Variants in NBEA observed in about 807,000 individuals in gnomAD.
NBEA encodes lysosomal-trafficking regulator 2.
In NBEA, 44 loss-of-function variants were observed where a neutral mutation model predicts 343.4. The ratio of observed to expected loss-of-function variants is 0.13; its 90% confidence interval spans 0.10 to 0.16. NBEA has a LOEUF of 0.16. NBEA is among the 10% of genes least tolerant of loss of function. The pLI is 1.00. For missense variants in NBEA, 2,555 were observed against 3,631.3 expected, an observed-to-expected ratio of 0.70 and a Z score of 7.62; for synonymous variants, 1,175 against 1,238.7, an observed-to-expected ratio of 0.95 and a Z score of 1.08.
chr13:35,072,442 G>T (rs971832055), intron 10 of NBEA, among the ~76,000 whole-genome samples: 5 of 152,016 alleles, frequency 3.3e-5, no homozygotes, highest in African/African-American at 1.2e-4. Context: ...AGTGTGAGGA[G>T]TCAGCATACC....
intron 55 of NBEA, among the ~76,000 whole-genome samples, chr13:35,663,768 G>T (rs558700635): frequency 7.9e-5 from 12 of 152,160 alleles, no homozygotes; most frequent in African/African-American, 2.9e-4. Context: ...CAGGACTGCT[G>T]ACATTATAAA....
intron 41 of NBEA, among the ~76,000 whole-genome samples, chr13:35,535,675 G>C (rs1441649241): frequency 6.6e-6 from 1 of 152,172 alleles, no homozygotes; most frequent in Non-Finnish European, 1.5e-5. Context: ...CAAAGTAGAT[G>C]TAATTTGTCC....
Position 35,208,767 on chromosome 13 carries a change from A to G in NBEA, c.5434A>G (p.Thr1812Ala), listed in dbSNP as rs202079724. 4 of 1,611,538 alleles carry G rather than the reference A, an allele frequency of 2.5e-6. No individual in the cohort carries two copies. Among genetic ancestry groups the G allele is most frequent in the East Asian group, 2.2e-5 (1 of 44,684 alleles). The change falls in exon 32 of 59, where the codon ACT becomes GCT. Residue 1812 changes from threonine to alanine, a missense_variant. Around this residue, in one of 21 missense-constraint regions of NBEA, gnomAD observed 270 missense variants for 293.3 expected, o/e 0.92. Coordinates refer to ENST00000379939, the MANE Select transcript of NBEA (RefSeq NM_001385012.1). ...AGCTGTAACCACTGTGGGAGCCACTACTGCTGGAAGTGGGCTGCCAACAGG... is the reference window on the plus strand; with the variant it reads ...AGCTGTAACCACTGTGGGAGCCACTGCTGCTGGAAGTGGGCTGCCAACAGG... ...SLAVTTVGAT[T>A]AGSGLPTGST...
At chr13:35,374,198 T>A (rs1169633757) in intron 38 of NBEA, among the ~76,000 whole-genome samples, 2 of 134,356 alleles carry the variant, frequency 1.5e-5, no homozygotes, top group Non-Finnish European at 3.1e-5. Flanking sequence ...TGGCCTGATT[T>A]CAGTATTTTT....
intron 30 of NBEA, chr13:35,185,957 CAAAAGTT>C (rs1474690559): frequency 1.3e-5 from 2 of 151,884 alleles, no homozygotes; most frequent in Non-Finnish European, 2.9e-5. Context: ...AGAGCACAAA[CAAAAGTT>C]AAAATCTTAG....
chr13:35,184,194 A>G, intron 30 of NBEA, 123 bp downstream of exon 30: 3 of 628,248 alleles, frequency 4.8e-6, no homozygotes, highest in Non-Finnish European at 7.8e-6. Flanking sequence ...TGGAGATATG[A>G]TATGTTGTAT....
intron 34 of NBEA, among the ~76,000 whole-genome samples, chr13:35,248,594 A>T (rs1188587490): frequency 5.6e-5 from 7 of 124,954 alleles, no homozygotes; most frequent in Non-Finnish European, 1.3e-4. Flanking sequence ...ACAAAGCAAA[A>T]CAAACAAGCA....
chr13:35,641,025 A>G lies in NBEA; in HGVS notation c.7618-4844A>G, dbSNP rs117207047. On this transcript the variant is annotated intron_variant, in intron 49 of 58. Transcript: ENST00000379939. ...ATCAGTAAGAATCCATATAACAATT[A>G]AAATTTAACACTCTTTAACTTAATT... Among the ~76,000 whole-genome samples, 723 of 152,292 alleles carry G rather than the reference A, an allele frequency of 4.7e-3. 12 individuals are homozygous for G. The East Asian group carries it at 0.058, about 12-fold the overall frequency.
At chr13:35,282,458 CT>C (rs2035118806) in intron 34 of NBEA, among the ~76,000 whole-genome samples, 1 of 152,040 alleles carries the variant, frequency 6.6e-6, no homozygotes, top group African/African-American at 2.4e-5. Flanking sequence ...TTAATTAAGG[CT>C]TTTGAAATTT....
intron 30 of NBEA, among the ~76,000 whole-genome samples, chr13:35,195,452 G>T (rs1315110443): frequency 6.6e-6 from 1 of 151,772 alleles, no homozygotes; most frequent in Non-Finnish European, 1.5e-5. Context: ...AGGCAGGAGT[G>T]CAGTGGCATG....
At position 35,645,879 on chromosome 13, in the gene NBEA, C is replaced by T; in HGVS notation, c.7628C>T (p.Ala2543Val). 6.4e-7 allele frequency: 1 copy of T among 1,571,958 alleles called. No homozygotes were observed. The highest frequency in any genetic ancestry group is 8.7e-7 in the Non-Finnish European group (1 of 1,153,548). ...TDPVLREIPE[A>V]YFIRDPHTFL... The stretch of plus-strand genomic sequence containing the variant: ...TTTTTCCCCATTAAGATTCCAGAAG[C>T]TTATTTCATTAGAGACCCCCACACT... Residue 2543 changes from alanine (A) to valine (V), a missense_variant, in exon 50 of 59, where the codon GCT (alanine) becomes GTT (valine). By Grantham distance (64) the Ala-to-Val change is moderately conservative. Coordinates refer to ENST00000379939, the MANE Select transcript of NBEA (RefSeq NM_001385012.1).
At chr13:35,017,877 T>C (rs2061707794) in intron 1 of NBEA, among the ~76,000 whole-genome samples, 1 of 152,144 alleles carries the variant, frequency 6.6e-6, no homozygotes, top group Admixed American at 6.5e-5. Flanking sequence ...GATTTTTTTC[T>C]TAGAGGTTTT....
At chr13:35,327,558 T>C (rs973038991) in intron 36 of NBEA, among the ~76,000 whole-genome samples, 2 of 152,044 alleles carry the variant, frequency 1.3e-5, no homozygotes, top group Admixed American at 1.3e-4. Context: ...TTCTTACTTA[T>C]AAGTGTGAGC....
chr13:35,476,038 A>G, intron 41 of NBEA: 1 of 1,614,146 alleles, frequency 6.2e-7, no homozygotes, highest in East Asian at 2.2e-5. Flanking sequence ...TACTTTGCAG[A>G]CTTCCCGGAT....
intron 1 of NBEA, among the ~76,000 whole-genome samples, chr13:34,957,331 G>A (rs543160223): frequency 6.6e-6 from 1 of 152,242 alleles, no homozygotes; most frequent in African/African-American, 2.4e-5. Flanking sequence ...GAGGTGAAGA[G>A]ACTCAGCAGG....
intron 33 of NBEA, among the ~76,000 whole-genome samples, chr13:35,225,953 A>G (rs2074628955): frequency 6.6e-6 from 1 of 152,122 alleles, no homozygotes. Context: ...ATTTAATTTT[A>G]AAAGTTCAAA....
chr13:35,359,003 G>C (rs2040657426), intron 38 of NBEA, among the ~76,000 whole-genome samples: 1 of 152,172 alleles, frequency 6.6e-6, no homozygotes, highest in African/African-American at 2.4e-5. Context: ...TGAATATTGG[G>C]AGTAGTGGCT....
At chr13:34,943,149 A>G (rs1183407886) in intron 1 of NBEA, 35 bp downstream of exon 1, 1 of 1,608,440 alleles carries the variant, frequency 6.2e-7, no homozygotes, top group Non-Finnish European at 8.5e-7. Flanking sequence ...CTGCTTCCCC[A>G]GTCCCCACAT....
intron 13 of NBEA, 82 bp from the exon 14 acceptor site, chr13:35,117,332 C>T (rs535729579): frequency 3.3e-5 from 18 of 538,480 alleles, no homozygotes; most frequent in Non-Finnish European, 5.0e-5. Flanking sequence ...TTCAAGAATG[C>T]CATAGTATCC....
Sources: allele counts gnomAD v4.1 joint callset (sites outside exome capture counted in the v4.1 genomes callset), GRCh38; gene constraint gnomAD v4.1.1; regional missense constraint gnomAD v4.1.1; transcripts MANE v1.5; gene names NCBI Gene and HGNC (gene_info 2026-07-23, HGNC 2026-07-21).